MIOS: variants seen among roughly 807,000 people sequenced by gnomAD.
MIOS encodes GATOR2 complex protein MIOS.
MIOS carries 52 observed loss-of-function variants against 96.9 expected under a neutral mutation model. The ratio of observed to expected loss-of-function variants is 0.54; its 90% CI spans 0.43 to 0.68. MIOS has a LOEUF of 0.68. Among genes scored for constraint, MIOS ranks in the 30% least tolerant of loss-of-function variants. MIOS has a pLI of 0.00. For missense variants in MIOS, 1,005 were observed against 1,052.8 expected (o/e 0.95, Z 0.63); for synonymous variants, 397 against 359.5 (o/e 1.10, Z -1.18).
At chr7:7,580,906 C>T (rs1302990856) in intron 5 of MIOS, among the ~76,000 whole-genome samples, 1 of 149,534 alleles carries the variant, frequency 6.7e-6, no homozygotes, top group African/African-American at 2.4e-5. Context: ...GGGCTGTTCT[C>T]GAACTCCCGA....
Position 7,589,558 on chromosome 7 carries a change from T to C in MIOS, c.2038T>C (p.Leu680=). The change falls in exon 9 of 13, where the codon TTA becomes CTA. Residue 680 remains leucine (L), a synonymous_variant. Transcript: ENST00000340080. Reference sequence around the variant, plus strand: ...TGTTCAAACAGCAAGTTACTGTATGTTACAGGTCAGTGCAGTTTGACAGCA... The same window carrying C: ...TGTTCAAACAGCAAGTTACTGTATGCTACAGGTCAGTGCAGTTTGACAGCA... ...GDVQTASYCM[L]QGSPLDVLKD... is the part of the protein sequence containing the mutation. The C allele has an allele frequency of 6.2e-7, 1 of 1,607,312 alleles. No homozygotes were observed. The highest frequency in any genetic ancestry group is 8.5e-7 in the Non-Finnish European group (1 of 1,176,200).
intron 5 of MIOS, among the ~76,000 whole-genome samples, chr7:7,580,664 G>A (rs1783682621): frequency 6.8e-6 from 1 of 146,588 alleles, no homozygotes; most frequent in Admixed American, 6.8e-5. Flanking sequence ...ATAAAAGAGA[G>A]TTTAGACCTT....
At chr7:7,605,038 C>T (rs756743560) in intron 11 of MIOS, 13 of 152,206 alleles carry the variant, frequency 8.5e-5, no homozygotes, top group Non-Finnish European at 1.3e-4. Flanking sequence ...TTAGCAAAAA[C>T]GGATATTTTT....
At chr7:7,569,726 G>A (rs924929886) in intron 3 of MIOS, among the ~76,000 whole-genome samples, 1 of 152,208 alleles carries the variant, frequency 6.6e-6, no homozygotes, top group Non-Finnish European at 1.5e-5. Flanking sequence ...TTTAATGACA[G>A]TGTATGTCTG....
At chr7:7,579,474 T>C (rs1251919216) in intron 5 of MIOS, among the ~76,000 whole-genome samples, 1 of 152,210 alleles carries the variant, frequency 6.6e-6, no homozygotes, top group Non-Finnish European at 1.5e-5. Context: ...ATTTTAACTT[T>C]ACCTTTTCTG....
chr7:7,592,115 A>G (rs1006541470), intron 9 of MIOS, among the ~76,000 whole-genome samples: 2 of 152,070 alleles, frequency 1.3e-5, no homozygotes, highest in Non-Finnish European at 2.9e-5. Context: ...CAGCCTCCCG[A>G]GTAGCTGGGA....
At chr7:7,578,941 C>G (rs2115383275) in intron 5 of MIOS, among the ~76,000 whole-genome samples, 1 of 152,198 alleles carries the variant, frequency 6.6e-6, no homozygotes, top group Non-Finnish European at 1.5e-5. Context: ...AAACTCCTAA[C>G]CTCAAGTGAT....
Position 7,596,125 on chromosome 7 carries a change from C to A in MIOS, c.2197-132C>A, listed in dbSNP as rs893123505. 8.0e-6 allele frequency: 6 copies of A among 750,222 alleles called. No individual in the cohort carries two copies. The African/African-American group carries it at 1.1e-4, about 13-fold the overall frequency. The allele number at this position is 750,222 out of a possible 1,614,324, so 46.5% of individuals were successfully genotyped here. On this transcript the variant is annotated intron_variant, in intron 10 of 12. Coordinates refer to ENST00000340080, the MANE Select transcript of MIOS (RefSeq NM_019005.4). ...TTAAATGAAAGCTAGTCAACCTTAG[C>A]AGATCAATTTTGAAATATAAAATAA... is the stretch of plus-strand genomic sequence containing the variant.
chr7:7,573,292 G>A lies in MIOS; in HGVS notation c.817G>A (p.Val273Ile). Residue 273 changes from valine to isoleucine, a missense_variant, in exon 4 of 13, where the codon GTA (valine) becomes ATA (isoleucine). Val to Ile is a conservative substitution (Grantham distance 29). Around this residue, in one of 3 missense-constraint regions of MIOS, gnomAD observed 865 missense variants for 887.9 expected, o/e 0.97. Coordinates refer to ENST00000340080, the MANE Select transcript of MIOS (RefSeq NM_019005.4). This position sits in a 1 kb window ranked among gnomAD's most constrained non-coding sequence, Gnocchi z 5.0. ...LTEQPKPLTK[V>I]AWCPTRTGLL... Reference sequence around the variant, plus strand: ...TGAGCAACCAAAACCCTTAACAAAAGTAGCATGGTGTCCCACTAGGACTGG... The same window carrying A: ...TGAGCAACCAAAACCCTTAACAAAAATAGCATGGTGTCCCACTAGGACTGG... The A allele has an allele frequency of 6.2e-7, 1 of 1,614,082 alleles. No individual in the cohort carries two copies. The highest frequency in any genetic ancestry group is 8.5e-7 in the Non-Finnish European group (1 of 1,179,972).
In MIOS at chr7:7,607,018, T is replaced by G; in HGVS notation, c.2554T>G (p.Ser852Ala). Residue 852 changes from serine (S) to alanine (A), a missense_variant, in exon 13 of 13, where the codon TCG (serine) becomes GCG (alanine). Ser to Ala is a moderately conservative substitution (Grantham distance 99). Transcript: ENST00000340080. Reference protein sequence around the residue: ...WFRDHAECPVSACTCKCMQLD... With the variant: ...WFRDHAECPVAACTCKCMQLD... ...TAGGGACCATGCAGAGTGCCCTGTG[T>G]CGGCATGCACGTGTAAATGTATGCA... 6.2e-7 allele frequency: 1 copy of G among 1,612,924 alleles called. No homozygotes were observed. The highest frequency in any genetic ancestry group is 8.5e-7 in the Non-Finnish European group (1 of 1,179,336).
intron 7 of MIOS, 81 bp downstream of exon 7, chr7:7,585,886 CTGTT>C: frequency 8.1e-7 from 1 of 1,238,622 alleles, no homozygotes; most frequent in Middle Eastern, 2.1e-4. Context: ...TTTCAAATGT[CTGTT>C]GCATAAAATA....
chr7:7,593,278 T>C (rs866440650), intron 9 of MIOS, among the ~76,000 whole-genome samples: 1 of 152,240 alleles, frequency 6.6e-6, no homozygotes, highest in African/African-American at 2.4e-5. Context: ...TTGTAAGCTA[T>C]GTGTTTCACA....
chr7:7,605,839 G>A, intron 11 of MIOS, 103 bp from the exon 12 acceptor site: 5 of 1,159,186 alleles, frequency 4.3e-6, no homozygotes, highest in African/African-American at 1.6e-5. Context: ...TCAATATGAT[G>A]TGTGATTCAT....
rs746958142 is a variant in MIOS, at chr7:7,573,537, A to G, written c.1062A>G (p.Glu354=). 8.1e-6 allele frequency: 13 copies of G among 1,614,016 alleles called. No individual in the cohort carries two copies. In the Admixed American group the frequency reaches 1.0e-4, roughly 12 times the overall value. ...CAATGTCAGACTTCACTGTTTTTGA[A>G]AGGATATCTCTTGCCTGGAGCCCAA... ...NRTMSDFTVF[E]RISLAWSPIT... The change falls in exon 4 of 13, where the codon GAA becomes GAG. Residue 354 remains glutamate, a synonymous_variant. Coordinates refer to ENST00000340080, the MANE Select transcript of MIOS (RefSeq NM_019005.4). The surrounding 1 kb of genome is among the most constrained non-coding windows in gnomAD (Gnocchi z 5.0).
chr7:7,589,289 A>T (rs1281921537), intron 8 of MIOS, 116 bp from the exon 9 acceptor site: 3 of 824,962 alleles, frequency 3.6e-6, no homozygotes, highest in Non-Finnish European at 5.5e-6. Context: ...ATTTTAGTAA[A>T]GTCTTTTGTT....
chr7:7,577,738 G>A (rs1783583681), intron 5 of MIOS, among the ~76,000 whole-genome samples: 1 of 152,138 alleles, frequency 6.6e-6, no homozygotes, highest in African/African-American at 2.4e-5. Context: ...TCAATAACCA[G>A]AGGCTGAGGG....
In MIOS at chr7:7,572,019, A is replaced by G. The variant is rs941509622; in HGVS notation, c.-40-417A>G. Among the ~76,000 whole-genome samples the G allele has an allele frequency of 1.3e-5, 2 of 152,266 alleles. No homozygotes were observed. The highest frequency in any genetic ancestry group is 1.3e-4 in the Admixed American group (2 of 15,292). On this transcript the variant is annotated intron_variant, in intron 3 of 12. Transcript: ENST00000340080. This position sits in a 1 kb window ranked among gnomAD's most constrained non-coding sequence, Gnocchi z 4.8. ...ACATGAAACATTTCTGTCATTGCAG[A>G]AAGTTTTATTGGGCAGTGCTGCTTT...
At position 7,573,019 on chromosome 7, in the gene MIOS, G is replaced by C. The variant is rs778301974; in HGVS notation, c.544G>C (p.Gly182Arg). The C allele has an allele frequency of 1.2e-5, 19 of 1,613,982 alleles. No homozygotes were observed. The South Asian group carries it at 2.1e-4, about 18-fold the overall frequency. The change falls in exon 4 of 13, where the codon GGA becomes CGA. Residue 182 changes from glycine (G) to arginine (R), a missense_variant. This residue lies in a region of MIOS where 865 missense variants were observed against 887.9 expected (regional missense o/e 0.97). Transcript: ENST00000340080. This position sits in a 1 kb window ranked among gnomAD's most constrained non-coding sequence, Gnocchi z 5.0. ...LLVTKPLYEL[G>R]QNDACLSLCW... The stretch of plus-strand genomic sequence containing the variant: ...AGTAACAAAACCACTTTATGAGTTA[G>C]GACAGAATGATGCTTGTCTGTCTCT...
intron 5 of MIOS, 41 bp downstream of exon 5, chr7:7,574,237 C>T: frequency 7.0e-7 from 1 of 1,436,880 alleles, no homozygotes; most frequent in Non-Finnish European, 9.6e-7. Context: ...ATGTTTATAA[C>T]TTTTGTACTT....
Sources: gnomAD v4.1 joint callset for allele counts (sites outside exome capture counted in the v4.1 genomes callset) on GRCh38, gnomAD v4.1.1 for gene constraint, gnomAD v4.1.1 regional missense constraint, Gnocchi (gnomAD v3.1) non-coding constraint, MANE v1.5 for transcripts, NCBI Gene and HGNC (gene_info 2026-07-23, HGNC 2026-07-21) for gene names.